The following AFG2A variants were observed in gnomAD, a reference collection of about 807,000 sequenced individuals.
AFG2A encodes the protein AAA ATPase AFG2A.
chr4:123,018,370 T>G, the AFG2A span, among the ~76,000 whole-genome samples: 1 of 152,214 alleles, frequency 6.6e-6, no homozygotes, highest in Non-Finnish European at 1.5e-5. Context: ...ATTGTAGGAA[T>G]AATTTTACGG....
At chr4:122,943,834 G>T in the AFG2A span, among the ~76,000 whole-genome samples, 1 of 152,200 alleles carries the variant, frequency 6.6e-6, no homozygotes, top group East Asian at 1.9e-4. Flanking sequence ...AGGCCTGGTG[G>T]TGACAAAATC....
chr4:123,269,436 C>T, the AFG2A span, among the ~76,000 whole-genome samples: 1 of 152,184 alleles, frequency 6.6e-6, no homozygotes, highest in Non-Finnish European at 1.5e-5. Flanking sequence ...AGAAACAAAA[C>T]ATTCTTGTGA....
At chr4:123,282,405 C>T in the AFG2A span, among the ~76,000 whole-genome samples, 1 of 152,080 alleles carries the variant, frequency 6.6e-6, no homozygotes, top group African/African-American at 2.4e-5. Flanking sequence ...GCTCTAAGTT[C>T]ACTAAAACAA....
the AFG2A span, among the ~76,000 whole-genome samples, chr4:123,268,468 C>T: frequency 6.6e-6 from 1 of 152,170 alleles, no homozygotes; most frequent in African/African-American, 2.4e-5. Flanking sequence ...ATCAAGACTT[C>T]TTTCCAAGAT....
the AFG2A span, among the ~76,000 whole-genome samples, chr4:123,020,127 A>G: frequency 4.6e-5 from 7 of 152,076 alleles, no homozygotes; most frequent in Admixed American, 2.0e-4. Flanking sequence ...TTTCTTGACC[A>G]CAGCTTCTAG....
chr4:123,191,397 G>C, the AFG2A span, among the ~76,000 whole-genome samples: 1 of 151,016 alleles, frequency 6.6e-6, no homozygotes, highest in South Asian at 2.1e-4. Flanking sequence ...GACGCACAGT[G>C]GTTCCATAGT....
chr4:123,150,573 C>T, the AFG2A span, among the ~76,000 whole-genome samples: 1 of 152,004 alleles, frequency 6.6e-6, no homozygotes, highest in African/African-American at 2.4e-5. Flanking sequence ...TGTGAAGGAC[C>T]TCTTTAAGGA....
At chr4:123,163,928 T>C in the AFG2A span, among the ~76,000 whole-genome samples, 3 of 152,178 alleles carry the variant, frequency 2.0e-5, no homozygotes, top group African/African-American at 7.2e-5. Flanking sequence ...TTCAAGAGGG[T>C]GTAGTGATCA....
chr4:122,964,671 T>A, the AFG2A span, among the ~76,000 whole-genome samples: 1 of 152,146 alleles, frequency 6.6e-6, no homozygotes, highest in Non-Finnish European at 1.5e-5. Flanking sequence ...AAGGTTCAGA[T>A]CTGGAGACAA....
chr4:123,237,672 C>CAAAAAAAAA, the AFG2A span, among the ~76,000 whole-genome samples: 138 of 66,618 alleles, frequency 2.1e-3, 3 homozygotes, highest in Non-Finnish European at 2.3e-3. Flanking sequence ...AACCTTGTCT[C>CAAAAAAAAA]AAAAAAAAAA....
At chr4:123,065,212 C>T in the AFG2A span, among the ~76,000 whole-genome samples, 2 of 152,110 alleles carry the variant, frequency 1.3e-5, no homozygotes, top group East Asian at 1.9e-4. Context: ...CTGTGACTTA[C>T]ATTATAATGA....
At chr4:123,107,815 T>G in the AFG2A span, among the ~76,000 whole-genome samples, 1 of 152,206 alleles carries the variant, frequency 6.6e-6, no homozygotes, top group African/African-American at 2.4e-5. Flanking sequence ...GGCTGGCATC[T>G]CAGTGTCTCC....
the AFG2A span, among the ~76,000 whole-genome samples, chr4:122,999,176 T>G: frequency 7.0e-6 from 1 of 143,306 alleles, no homozygotes; most frequent in African/African-American, 2.5e-5. Flanking sequence ...TCTTGTAAAT[T>G]TGTTTGAGTT....
the AFG2A span, among the ~76,000 whole-genome samples, chr4:123,130,788 G>C: frequency 3.3e-5 from 5 of 152,154 alleles, no homozygotes; most frequent in Admixed American, 2.0e-4. Flanking sequence ...TGGATTTACT[G>C]AATCATAGGG....
chr4:122,957,204 G>A, the AFG2A span, among the ~76,000 whole-genome samples: 4 of 152,268 alleles, frequency 2.6e-5, no homozygotes, highest in East Asian at 1.9e-4. Flanking sequence ...AGGCCTCATC[G>A]GCTATTTTCA....
chr4:123,025,998 G>C, the AFG2A span, among the ~76,000 whole-genome samples: 1 of 152,100 alleles, frequency 6.6e-6, no homozygotes, highest in African/African-American at 2.4e-5. Context: ...AGTTGGATTT[G>C]TCACAGACAA....
the AFG2A span, among the ~76,000 whole-genome samples, chr4:122,982,327 C>G: frequency 1.3e-5 from 2 of 152,126 alleles, no homozygotes; most frequent in African/African-American, 4.8e-5. Flanking sequence ...GAACCAGCAG[C>G]CTTGCATCCT....
the AFG2A span, among the ~76,000 whole-genome samples, chr4:123,298,920 G>GT: frequency 1.3e-5 from 2 of 152,240 alleles, no homozygotes; most frequent in African/African-American, 4.8e-5. Flanking sequence ...GTAAAATCTC[G>GT]TTTTATTACA....
chr4:122,930,446 C>G, the AFG2A span, among the ~76,000 whole-genome samples: 3 of 152,084 alleles, frequency 2.0e-5, no homozygotes, highest in East Asian at 3.9e-4. Context: ...TCTTTTGCTA[C>G]TATTGTAGAT....
Sources: gnomAD v4.1 joint callset for allele counts (sites outside exome capture counted in the v4.1 genomes callset) on GRCh38, gnomAD v4.1.1 for gene constraint, MANE v1.5 for transcripts, NCBI Gene and HGNC (gene_info 2026-07-23, HGNC 2026-07-21) for gene names.